Variants in MGAT5 observed in about 807,000 individuals in gnomAD.
MGAT5 encodes the protein alpha-1,6-mannosylglycoprotein 6-beta-N-acetylglucosaminyltransferase.
In MGAT5, 30 loss-of-function variants were observed where a neutral mutation model predicts 94.3. That is an observed-to-expected ratio of 0.32 (90% CI 0.24 to 0.43). MGAT5 has a LOEUF of 0.43. MGAT5 is among the 20% of genes least tolerant of loss of function. MGAT5 has a pLI of 1.00. For missense variants in MGAT5, 691 were observed against 905.5 expected (o/e 0.76, Z 3.04); for synonymous variants, 310 against 322.9 (o/e 0.96, Z 0.43).
chr2:134,148,745 G>C (rs898686991), intron 1 of MGAT5, among the ~76,000 whole-genome samples: 2 of 146,474 alleles, frequency 1.4e-5, no homozygotes, highest in Non-Finnish European at 3.0e-5. Context: ...TTGAAATTAA[G>C]TTCTCTTTCT....
chr2:134,223,675 C>T (rs1286942453), intron 1 of MGAT5, among the ~76,000 whole-genome samples: 2 of 152,020 alleles, frequency 1.3e-5, no homozygotes, highest in Non-Finnish European at 2.9e-5. Flanking sequence ...TTTTAAGCTA[C>T]CTTTTTTTAT....
Position 134,218,987 on chromosome 2 carries a change from A to C in MGAT5, c.-142-35275A>C, listed in dbSNP as rs1008046120. Among the ~76,000 whole-genome samples, 8 of 152,342 alleles carry C rather than the reference A, an allele frequency of 5.3e-5. No homozygotes were observed. The South Asian group carries it at 8.3e-4, about 16-fold the overall frequency. ...TGTCCATAGTCTCTGGGAAAGCCAC[A>C]GAGATGAGTAAGATCCCAGTCCTAC... On this transcript the variant is annotated intron_variant, in intron 1 of 16. Transcript: ENST00000409645.
intron 2 of MGAT5, among the ~76,000 whole-genome samples, chr2:134,271,070 C>T (rs892698051): frequency 1.3e-5 from 2 of 152,236 alleles, no homozygotes; most frequent in Non-Finnish European, 2.9e-5. Flanking sequence ...TCTGTAGCCA[C>T]TCATGTACAC....
intron 2 of MGAT5, among the ~76,000 whole-genome samples, chr2:134,292,933 G>C (rs904235879): frequency 6.6e-6 from 1 of 152,218 alleles, no homozygotes; most frequent in African/African-American, 2.4e-5. Context: ...AGGCTTCAAG[G>C]TGGGGTCTCC....
chr2:134,266,068 G>A (rs1259900208), intron 1 of MGAT5, among the ~76,000 whole-genome samples: 1 of 148,540 alleles, frequency 6.7e-6, no homozygotes, highest in East Asian at 2.1e-4. Context: ...GGAGGCTGAG[G>A]CAGGAGAACT....
At chr2:134,324,712 C>T (rs1171339249) in intron 4 of MGAT5, among the ~76,000 whole-genome samples, 8 of 152,054 alleles carry the variant, frequency 5.3e-5, no homozygotes, top group Non-Finnish European at 1.2e-4. Context: ...GCTTAGGTTA[C>T]AGGACAAAAC....
intron 10 of MGAT5, among the ~76,000 whole-genome samples, chr2:134,372,935 C>T (rs1680910209): frequency 6.6e-6 from 1 of 152,248 alleles, no homozygotes; most frequent in African/African-American, 2.4e-5. Flanking sequence ...GAGGCTCAGG[C>T]AGCCAGTGAA....
intron 1 of MGAT5, among the ~76,000 whole-genome samples, chr2:134,153,199 C>T (rs569663084): frequency 2.0e-5 from 3 of 152,128 alleles, no homozygotes; most frequent in Admixed American, 6.5e-5. Context: ...GGATTACTGG[C>T]GTGAGCCACC....
At chr2:134,130,336 C>A (rs1009443088) in intron 1 of MGAT5, among the ~76,000 whole-genome samples, 6 of 151,360 alleles carry the variant, frequency 4.0e-5, no homozygotes, top group African/African-American at 1.5e-4. Flanking sequence ...CCCCTACGGG[C>A]ACCACCCCTT....
chr2:134,387,773 A>G (rs1452129719), intron 10 of MGAT5, among the ~76,000 whole-genome samples: 1 of 152,170 alleles, frequency 6.6e-6, no homozygotes, highest in Non-Finnish European at 1.5e-5. Flanking sequence ...AGACACGAAT[A>G]TTGGGAGAAA....
intron 1 of MGAT5, among the ~76,000 whole-genome samples, chr2:134,197,761 C>T (rs1393753292): frequency 6.6e-6 from 1 of 152,156 alleles, no homozygotes; most frequent in East Asian, 1.9e-4. Context: ...GCATTTCTGC[C>T]TGCTAAAGTT....
intron 2 of MGAT5, among the ~76,000 whole-genome samples, chr2:134,308,760 T>C (rs982302674): frequency 7.9e-5 from 12 of 152,114 alleles, no homozygotes; most frequent in Non-Finnish European, 1.5e-4. Context: ...TAGGGCCGAG[T>C]ATGGTGGCTT....
chr2:134,297,754 A>T (rs1282159552), intron 2 of MGAT5, among the ~76,000 whole-genome samples: 1 of 150,506 alleles, frequency 6.6e-6, no homozygotes, highest in Non-Finnish European at 1.5e-5. Context: ...GAACTGTTTA[A>T]TTTTTTTTTT....
intron 10 of MGAT5, among the ~76,000 whole-genome samples, chr2:134,389,826 C>T (rs1281799901): frequency 1.3e-5 from 2 of 152,200 alleles, no homozygotes; most frequent in Non-Finnish European, 2.9e-5. Context: ...CCAAATGCCT[C>T]CTCTTGTGAA....
chr2:134,138,990 C>A lies in MGAT5; in HGVS notation c.-143+18699C>A, dbSNP rs184635072. Among the ~76,000 whole-genome samples the A allele has an allele frequency of 7.0e-4, 107 of 152,322 alleles. No homozygotes were observed. The East Asian group carries it at 0.015, about 21-fold the overall frequency. ...CATTACATGCTGTTAGATCAGGCCA[C>A]TCTGTCTGCAAATGAATTGGTAAGG... is the stretch of plus-strand genomic sequence containing the variant. On this transcript the variant is annotated intron_variant, in intron 1 of 16. Transcript: ENST00000409645.
At chr2:134,173,961 G>T (rs1399085059) in intron 1 of MGAT5, among the ~76,000 whole-genome samples, 1 of 152,172 alleles carries the variant, frequency 6.6e-6, no homozygotes, top group Non-Finnish European at 1.5e-5. Flanking sequence ...CCCCACCCAG[G>T]TTATAAATCA....
intron 1 of MGAT5, among the ~76,000 whole-genome samples, chr2:134,131,769 C>A (rs1003142081): frequency 1.3e-5 from 2 of 151,904 alleles, no homozygotes; most frequent in African/African-American, 4.8e-5. Context: ...TTAGCACATG[C>A]TGTGTATAAA....
intron 9 of MGAT5, among the ~76,000 whole-genome samples, chr2:134,354,319 A>T (rs1030272436): frequency 6.6e-6 from 1 of 152,164 alleles, no homozygotes; most frequent in Non-Finnish European, 1.5e-5. Context: ...TGAGGAACAA[A>T]GTCTTCAGGA....
chr2:134,404,150 G>A (rs1683212574), intron 11 of MGAT5, among the ~76,000 whole-genome samples: 1 of 152,180 alleles, frequency 6.6e-6, no homozygotes, highest in African/African-American at 2.4e-5. Context: ...TTGTACAAGG[G>A]ATGCAAGTGT....
Sources: gnomAD v4.1 joint callset for allele counts (sites outside exome capture counted in the v4.1 genomes callset) on GRCh38, gnomAD v4.1.1 for gene constraint, MANE v1.5 for transcripts, NCBI Gene and HGNC (gene_info 2026-07-23, HGNC 2026-07-21) for gene names.